ITSN1: variants seen among roughly 807,000 people sequenced by gnomAD.
The protein encoded by ITSN1 is intersectin-1.
A neutral mutation model predicts 239.8 loss-of-function variants in ITSN1; 58 were observed. That is an observed-to-expected ratio of 0.24 (90% CI 0.20 to 0.30). The LOEUF (loss-of-function observed/expected upper bound fraction) is 0.30. ITSN1 is among the 10% of genes least tolerant of loss of function. ITSN1 has a pLI of 1.00. For synonymous variants in ITSN1, 780 were observed against 770.8 expected, an observed-to-expected ratio of 1.01 and a Z score of -0.20; for missense variants, 1,558 against 2,103.3, an observed-to-expected ratio of 0.74 and a Z score of 5.07.
At chr21:33,677,493 C>A (rs1302345260) in intron 1 of ITSN1, among the ~76,000 whole-genome samples, 1 of 152,064 alleles carries the variant, frequency 6.6e-6, no homozygotes, top group Non-Finnish European at 1.5e-5. Context: ...TTGTGTGCCA[C>A]CATGTCCAGC....
At chr21:33,880,710 C>T (rs968995188) in intron 34 of ITSN1, among the ~76,000 whole-genome samples, 2 of 152,112 alleles carry the variant, frequency 1.3e-5, no homozygotes, top group African/African-American at 4.8e-5. Flanking sequence ...ATACTCTCTT[C>T]AGAGAGGGGT....
chr21:33,813,901 T>G lies in ITSN1; in HGVS notation c.2568-12T>G, dbSNP rs991255402. On this transcript the variant is annotated splice_polypyrimidine_tract_variant and intron_variant, in intron 21 of 39. Transcript: ENST00000381318. ...GTGCTTGTTATTCATGGTGTTGTGCTTTTCCCTCCAGGTGGCCCACCAGCA... is the reference window on the plus strand; with the variant it reads ...GTGCTTGTTATTCATGGTGTTGTGCGTTTCCCTCCAGGTGGCCCACCAGCA... 5.0e-5 allele frequency: 80 copies of G among 1,612,614 alleles called. No individual in the cohort carries two copies. Among genetic ancestry groups the G allele is most frequent in the Non-Finnish European group, 6.2e-5 (73 of 1,179,518 alleles).
At chr21:33,678,268 C>A (rs955765591) in intron 1 of ITSN1, among the ~76,000 whole-genome samples, 1 of 152,188 alleles carries the variant, frequency 6.6e-6, no homozygotes, top group Non-Finnish European at 1.5e-5. Flanking sequence ...CCTTGACTAT[C>A]CCCAGGCACA....
At chr21:33,752,472 G>A (rs919289555) in intron 7 of ITSN1, among the ~76,000 whole-genome samples, 3 of 152,064 alleles carry the variant, frequency 2.0e-5, no homozygotes, top group African/African-American at 7.2e-5. Flanking sequence ...TGACATTATT[G>A]CTTATGTTTT....
intron 31 of ITSN1, among the ~76,000 whole-genome samples, chr21:33,864,057 T>A (rs576457572): frequency 3.7e-4 from 57 of 152,286 alleles, no homozygotes; most frequent in African/African-American, 1.1e-3. Flanking sequence ...GCCAAAAATG[T>A]GGGAGAAAGA....
chr21:33,763,249 A>AG (rs1555904891), intron 9 of ITSN1, among the ~76,000 whole-genome samples: 1 of 151,676 alleles, frequency 6.6e-6, no homozygotes, highest in African/African-American at 2.4e-5. Flanking sequence ...AAAAAAAAAA[A>AG]AAAACTCCGT....
chr21:33,714,513 A>G (rs1284880753), intron 1 of ITSN1, among the ~76,000 whole-genome samples: 1 of 152,260 alleles, frequency 6.6e-6, no homozygotes, highest in East Asian at 1.9e-4. Context: ...GTGCTTTGTC[A>G]GGAACTGATA....
chr21:33,754,439 AG>A (rs1325158452), intron 7 of ITSN1, among the ~76,000 whole-genome samples: 4 of 152,250 alleles, frequency 2.6e-5, no homozygotes, highest in Non-Finnish European at 5.9e-5. Context: ...GTGAAATTGC[AG>A]ACAGAGCATT....
intron 8 of ITSN1, among the ~76,000 whole-genome samples, chr21:33,759,867 A>G (rs929794481): frequency 1.3e-5 from 2 of 152,206 alleles, no homozygotes; most frequent in Admixed American, 6.5e-5. Context: ...TGGGAGGCCA[A>G]GGCGGGTGGA....
intron 17 of ITSN1, among the ~76,000 whole-genome samples, chr21:33,796,745 A>G (rs2071594513): frequency 6.6e-6 from 1 of 152,206 alleles, no homozygotes. Context: ...AGTTATTATT[A>G]TGTCATTTGT....
intron 20 of ITSN1, among the ~76,000 whole-genome samples, chr21:33,804,580 A>G (rs1402880875): frequency 6.6e-6 from 1 of 152,214 alleles, no homozygotes; most frequent in Non-Finnish European, 1.5e-5. Context: ...CTTGATGGCT[A>G]AGGCTTAGAT....
At chr21:33,758,258 G>A (rs1453463186) in intron 8 of ITSN1, among the ~76,000 whole-genome samples, 6 of 152,074 alleles carry the variant, frequency 3.9e-5, no homozygotes, top group South Asian at 2.1e-4. Context: ...AAGTAGCTGC[G>A]ACTACAGGCA....
intron 1 of ITSN1, among the ~76,000 whole-genome samples, chr21:33,679,616 T>A (rs933715381): frequency 1.3e-5 from 2 of 152,132 alleles, no homozygotes; most frequent in African/African-American, 4.8e-5. Context: ...AAAATAAAAT[T>A]TATCGTATTG....
intron 22 of ITSN1, chr21:33,814,468 T>C (rs1228864873): frequency 3.4e-5 from 6 of 178,248 alleles, no homozygotes; most frequent in Admixed American, 5.7e-5. Flanking sequence ...GTCTAGACCA[T>C]TGAGTTTTTT....
intron 7 of ITSN1, 131 bp downstream of exon 7, chr21:33,752,037 A>G (rs1223506049): frequency 1.6e-6 from 1 of 632,522 alleles, no homozygotes; most frequent in Non-Finnish European, 2.7e-6. Flanking sequence ...TAGAGTGCTA[A>G]TAATAATTTT....
chr21:33,750,612 G>C (rs2091620382), intron 6 of ITSN1, among the ~76,000 whole-genome samples: 1 of 152,146 alleles, frequency 6.6e-6, no homozygotes, highest in Non-Finnish European at 1.5e-5. Flanking sequence ...GCTGAGAAGA[G>C]CAATTGAAGT....
intron 1 of ITSN1, among the ~76,000 whole-genome samples, chr21:33,673,420 G>A (rs886818452): frequency 6.6e-6 from 1 of 152,188 alleles, no homozygotes; most frequent in Non-Finnish European, 1.5e-5. Flanking sequence ...GGAGATGGAT[G>A]TATTACTTCT....
At chr21:33,788,744 T>C (rs1286193017) in intron 16 of ITSN1, among the ~76,000 whole-genome samples, 1 of 152,076 alleles carries the variant, frequency 6.6e-6, no homozygotes, top group Non-Finnish European at 1.5e-5. Context: ...AATAAATAAA[T>C]AAATGAATAA....
At chr21:33,719,700 T>C (rs1368314241) in intron 2 of ITSN1, among the ~76,000 whole-genome samples, 1 of 152,176 alleles carries the variant, frequency 6.6e-6, no homozygotes, top group African/African-American at 2.4e-5. Flanking sequence ...ATGGGGTCAT[T>C]TACACTTTTT....
Sources: allele counts gnomAD v4.1 joint callset (sites outside exome capture counted in the v4.1 genomes callset), GRCh38; gene constraint gnomAD v4.1.1; transcripts MANE v1.5; gene names NCBI Gene and HGNC (gene_info 2026-07-23, HGNC 2026-07-21).